Variants in PHF21A observed in about 807,000 individuals in gnomAD.
PHF21A encodes the protein PHD finger protein 21A.
PHF21A carries 11 observed loss-of-function variants against 82.5 expected under a neutral mutation model. The observed-to-expected ratio is 0.13, with a 90% CI of 0.08 to 0.22. PHF21A has a LOEUF of 0.22. Among genes scored for constraint, PHF21A ranks in the 10% least tolerant of loss-of-function variants. PHF21A has a pLI of 1.00. For synonymous variants in PHF21A, 297 were observed against 302.8 expected (o/e 0.98, Z 0.20); for missense variants, 579 against 837.8 (o/e 0.69, Z 3.81).
intron 6 of PHF21A, among the ~76,000 whole-genome samples, chr11:46,024,198 T>A (rs1406118681): frequency 6.6e-6 from 1 of 152,158 alleles, no homozygotes; most frequent in African/African-American, 2.4e-5. Context: ...CACAACCTGA[T>A]CCAGGCATAA....
intron 9 of PHF21A, among the ~76,000 whole-genome samples, chr11:45,969,040 T>C (rs2093614058): frequency 1.3e-5 from 2 of 151,706 alleles, no homozygotes; most frequent in Non-Finnish European, 2.9e-5. Flanking sequence ...AATGATATCA[T>C]CTTATCTCAT....
intron 13 of PHF21A, 71 bp from the exon 14 acceptor site, chr11:45,949,017 G>T: frequency 8.5e-7 from 1 of 1,172,544 alleles, no homozygotes; most frequent in Non-Finnish European, 1.3e-6. Flanking sequence ...ACAAGCTAAA[G>T]ACCAAGCATG....
chr11:46,050,134 T>C (rs79674682), intron 6 of PHF21A, among the ~76,000 whole-genome samples: 4,439 of 152,356 alleles, frequency 0.029, 71 homozygotes, highest in Middle Eastern at 0.041. Flanking sequence ...CGCCAAGTTT[T>C]AGAAAGAAGA....
intron 6 of PHF21A, among the ~76,000 whole-genome samples, chr11:46,058,079 A>C (rs2096485156): frequency 6.6e-6 from 1 of 152,226 alleles, no homozygotes; most frequent in African/African-American, 2.4e-5. Context: ...AAGCCTTGTT[A>C]AATGTGAAGG....
At chr11:46,114,411 T>C (rs1487316019) in intron 1 of PHF21A, among the ~76,000 whole-genome samples, 4 of 152,208 alleles carry the variant, frequency 2.6e-5, no homozygotes, top group African/African-American at 9.7e-5. Context: ...TTCACAAACA[T>C]GTTTTGGAAT....
chr11:46,066,246 G>C (rs2096592629), intron 6 of PHF21A, among the ~76,000 whole-genome samples: 1 of 152,154 alleles, frequency 6.6e-6, no homozygotes, highest in Admixed American at 6.5e-5. Context: ...TTTATGTTGT[G>C]ACAGTGATAT....
Position 46,008,025 on chromosome 11 carries a change from T to C in PHF21A, c.154-28059A>G, listed in dbSNP as rs558641354. Among the ~76,000 whole-genome samples, 3 of 152,370 alleles carry C rather than the reference T, an allele frequency of 2.0e-5. No homozygotes were observed. In the East Asian group the frequency reaches 5.8e-4, roughly 29 times the overall value. On this transcript the variant is annotated intron_variant, in intron 6 of 18. Coordinates refer to ENST00000676320, the MANE Select transcript of PHF21A (RefSeq NM_001352027.3). The stretch of plus-strand genomic sequence containing the variant: ...AGAACAGAAGGGTACTAAAGTAAAA[T>C]GTGTTTAATGTTGTTCTACCCACCA...
intron 15 of PHF21A, among the ~76,000 whole-genome samples, chr11:45,945,391 G>C (rs920645094): frequency 6.6e-6 from 1 of 152,196 alleles, no homozygotes; most frequent in African/African-American, 2.4e-5. Context: ...CTGCTCAACA[G>C]TTTCTGATCA....
At chr11:46,100,115 A>C (rs1340663022) in intron 1 of PHF21A, among the ~76,000 whole-genome samples, 2 of 152,220 alleles carry the variant, frequency 1.3e-5, no homozygotes, top group African/African-American at 4.8e-5. Flanking sequence ...AACATGCCTC[A>C]ATCACGCTGA....
chr11:45,984,151 G>C (rs2094411980), intron 6 of PHF21A, among the ~76,000 whole-genome samples: 2 of 152,088 alleles, frequency 1.3e-5, no homozygotes, highest in Non-Finnish European at 2.9e-5. Flanking sequence ...AGTTAAAAGA[G>C]AGGGAAAAAA....
rs535175022 is a variant in PHF21A at position 46,049,124 on chromosome 11, T to C, written c.153+27630A>G. On this transcript the variant is annotated intron_variant, in intron 6 of 18. Coordinates refer to ENST00000676320, the MANE Select transcript of PHF21A (RefSeq NM_001352027.3). ...GAGAGATTATCATTGTTGGGGCATT[T>C]TCCTCCTTTTCTCCCCACTTGCCTA... 5.3e-5 allele frequency among the ~76,000 whole-genome samples: 8 copies of C among 152,312 alleles called. 1 individual carries two copies. Among genetic ancestry groups the C allele is most frequent in the African/African-American group, 1.9e-4 (8 of 41,568 alleles).
intron 6 of PHF21A, among the ~76,000 whole-genome samples, chr11:46,074,792 C>T (rs771565539): frequency 2.0e-5 from 3 of 152,136 alleles, no homozygotes; most frequent in South Asian, 2.1e-4. Flanking sequence ...CGTGAGCCAC[C>T]GTGCCTGGCC....
chr11:46,077,614 G>C (rs966688524), intron 5 of PHF21A, among the ~76,000 whole-genome samples: 7 of 152,162 alleles, frequency 4.6e-5, no homozygotes, highest in African/African-American at 1.7e-4. Flanking sequence ...CAGGGTTAGG[G>C]AACACATCTT....
intron 1 of PHF21A, among the ~76,000 whole-genome samples, 155 bp downstream of exon 1, chr11:46,120,779 CT>C (rs1443147725): frequency 4.3e-4 from 66 of 151,784 alleles, no homozygotes; most frequent in Non-Finnish European, 4.4e-5. Context: ...CAGGCAGCCC[CT>C]GATCCTCCCA....
intron 6 of PHF21A, among the ~76,000 whole-genome samples, chr11:46,075,838 ATT>A (rs1204407902): frequency 6.6e-6 from 1 of 152,262 alleles, no homozygotes; most frequent in African/African-American, 2.4e-5. Flanking sequence ...AATTATTCTC[ATT>A]GTTATTATTT....
chr11:46,080,232 C>T (rs2135121639), intron 4 of PHF21A, among the ~76,000 whole-genome samples: 1 of 152,102 alleles, frequency 6.6e-6, no homozygotes, highest in Middle Eastern at 3.4e-3. Context: ...GATCATGGCT[C>T]ACTGCAGCCT....
intron 1 of PHF21A, among the ~76,000 whole-genome samples, chr11:46,093,372 T>C (rs1470366363): frequency 6.6e-6 from 1 of 152,216 alleles, no homozygotes. Flanking sequence ...TTGTAAATCT[T>C]TGTTTAACCA....
chr11:46,102,717 G>A (rs2097110733), intron 1 of PHF21A, among the ~76,000 whole-genome samples: 1 of 152,150 alleles, frequency 6.6e-6, no homozygotes, highest in African/African-American at 2.4e-5. Flanking sequence ...TCTTAGTCCA[G>A]ATATAAAGTA....
chr11:45,958,445 T>TACACACACAC (rs1280689117), intron 10 of PHF21A, among the ~76,000 whole-genome samples: 1 of 15,386 alleles, frequency 6.5e-5, no homozygotes, highest in African/African-American at 1.4e-4. Context: ...TATATATATA[T>TACACACACAC]ATATACACAC....
Sources: gnomAD v4.1 joint callset for allele counts (sites outside exome capture counted in the v4.1 genomes callset) on GRCh38, gnomAD v4.1.1 for gene constraint, MANE v1.5 for transcripts, NCBI Gene and HGNC (gene_info 2026-07-23, HGNC 2026-07-21) for gene names.